Variants in TMEM163 observed in about 807,000 individuals in gnomAD.
TMEM163 encodes transmembrane protein 163.
A neutral mutation model predicts 29.3 loss-of-function variants in TMEM163; 17 were observed. That is an observed-to-expected ratio of 0.58 (90% CI 0.40 to 0.87). TMEM163 has a LOEUF of 0.87. TMEM163 is among the 40% of genes least tolerant of loss of function. The probability of loss-of-function intolerance (pLI) is 0.00; values close to 1 mark genes in which losing one functional copy is unlikely to be tolerated. For missense variants in TMEM163, 303 were observed against 381.5 expected (o/e 0.79, Z 1.71); for synonymous variants, 157 against 160.6 (o/e 0.98, Z 0.17).
At chr2:134,622,288 T>C (rs1335529971) in intron 2 of TMEM163, among the ~76,000 whole-genome samples, 1 of 152,222 alleles carries the variant, frequency 6.6e-6, no homozygotes, top group East Asian at 1.9e-4. Context: ...TAAATTATAC[T>C]TTAAAAAATC....
intron 2 of TMEM163, among the ~76,000 whole-genome samples, chr2:134,608,751 C>T (rs1682420410): frequency 1.6e-5 from 1 of 64,276 alleles, no homozygotes; most frequent in African/African-American, 5.9e-5. Flanking sequence ...GGAGGACAGA[C>T]CCCGAGAACT....
At chr2:134,557,186 C>A (rs1001891625) in intron 2 of TMEM163, among the ~76,000 whole-genome samples, 5 of 152,152 alleles carry the variant, frequency 3.3e-5, no homozygotes, top group African/African-American at 1.2e-4. Context: ...AGGAGAGTTA[C>A]GAGAGATAAT....
chr2:134,462,280 T>TC (rs1686561065), intron 6 of TMEM163, among the ~76,000 whole-genome samples: 2 of 151,780 alleles, frequency 1.3e-5, no homozygotes, highest in East Asian at 1.9e-4. Flanking sequence ...TCCCCTCCAC[T>TC]CCCCAGGCCT....
At chr2:134,657,780 G>C (rs1412819038) in intron 2 of TMEM163, among the ~76,000 whole-genome samples, 1 of 151,978 alleles carries the variant, frequency 6.6e-6, no homozygotes, top group Non-Finnish European at 1.5e-5. Context: ...TCCAGCCTAG[G>C]CAACAAGAGT....
At chr2:134,474,109 A>G (rs1354253087) in intron 5 of TMEM163, among the ~76,000 whole-genome samples, 1 of 152,224 alleles carries the variant, frequency 6.6e-6, no homozygotes, top group African/African-American at 2.4e-5. Context: ...AAAGTCCTCA[A>G]CAAAGTATCA....
At chr2:134,702,486 A>G (rs1684724596) in intron 2 of TMEM163, among the ~76,000 whole-genome samples, 1 of 152,076 alleles carries the variant, frequency 6.6e-6, no homozygotes, top group Admixed American at 6.6e-5. Context: ...CTCTACAAAA[A>G]ATTCCAAAAT....
chr2:134,639,563 T>A (rs770768032), intron 2 of TMEM163, among the ~76,000 whole-genome samples: 4 of 152,238 alleles, frequency 2.6e-5, no homozygotes, highest in Non-Finnish European at 5.9e-5. Context: ...ACAAAGAGGC[T>A]CACAGCAAAA....
At chr2:134,462,577 C>G (rs1310248883) in intron 6 of TMEM163, among the ~76,000 whole-genome samples, 4 of 152,218 alleles carry the variant, frequency 2.6e-5, no homozygotes, top group African/African-American at 9.6e-5. Flanking sequence ...CCCCACTTTT[C>G]TTTGTAATGA....
At chr2:134,578,925 A>T (rs745424013) in intron 2 of TMEM163, among the ~76,000 whole-genome samples, 1 of 152,196 alleles carries the variant, frequency 6.6e-6, no homozygotes, top group Non-Finnish European at 1.5e-5. Flanking sequence ...TCCCTACCAC[A>T]GAGCTACAAA....
intron 1 of TMEM163, chr2:134,713,577 C>A: frequency 1.7e-6 from 1 of 602,174 alleles, no homozygotes. Flanking sequence ...TTTCGAAGAA[C>A]TCCACAGACC....
intron 4 of TMEM163, among the ~76,000 whole-genome samples, chr2:134,522,327 A>G (rs1680206666): frequency 6.6e-6 from 1 of 152,258 alleles, no homozygotes; most frequent in African/African-American, 2.4e-5. Context: ...GCAGCATAAA[A>G]CACACTGGCT....
At chr2:134,711,599 T>A (rs1484898250) in intron 2 of TMEM163, among the ~76,000 whole-genome samples, 2 of 152,244 alleles carry the variant, frequency 1.3e-5, no homozygotes, top group African/African-American at 4.8e-5. Flanking sequence ...TCTAATTCTG[T>A]ATGCACTATG....
At chr2:134,512,807 G>A (rs1470381531) in intron 4 of TMEM163, among the ~76,000 whole-genome samples, 9 of 152,192 alleles carry the variant, frequency 5.9e-5, no homozygotes, top group Admixed American at 2.6e-4. Flanking sequence ...GCCACAGGGC[G>A]CACAAACTTG....
intron 2 of TMEM163, among the ~76,000 whole-genome samples, chr2:134,554,616 A>C (rs1024026594): frequency 6.6e-6 from 1 of 152,046 alleles, no homozygotes; most frequent in Non-Finnish European, 1.5e-5. Flanking sequence ...AACAGATTTC[A>C]AGTAGACATT....
At position 134,510,666 on chromosome 2, in the gene TMEM163, A is replaced by G. The variant is rs536562704; in HGVS notation, c.459-7669T>C. 2.0e-5 allele frequency among the ~76,000 whole-genome samples: 3 copies of G among 152,284 alleles called. No homozygotes were observed. In the East Asian group the frequency reaches 5.8e-4, roughly 29 times the overall value. On this transcript the variant is annotated intron_variant, in intron 4 of 7. Transcript: ENST00000281924. ...AGGACAACCCCAATTTTGAGACTGG[A>G]CACAAAGGAAGAGGTAGCGGTGCAT...
chr2:134,519,555 CA>C (rs1440415258), intron 4 of TMEM163, among the ~76,000 whole-genome samples: 10 of 151,866 alleles, frequency 6.6e-5, no homozygotes, highest in Non-Finnish European at 1.5e-4. Flanking sequence ...ACCAAAAATA[CA>C]AAAAAATTAG....
chr2:134,493,315 G>A (rs1029394693), intron 5 of TMEM163, among the ~76,000 whole-genome samples: 20 of 142,758 alleles, frequency 1.4e-4, no homozygotes, highest in African/African-American at 5.2e-4. Context: ...TTATTCTGAT[G>A]AAGTCCAATT....
intron 4 of TMEM163, among the ~76,000 whole-genome samples, chr2:134,549,873 T>A (rs1183388899): frequency 6.6e-6 from 1 of 152,172 alleles, no homozygotes; most frequent in Non-Finnish European, 1.5e-5. Context: ...TGTGTGTGTG[T>A]GTGTGTACTC....
intron 2 of TMEM163, among the ~76,000 whole-genome samples, chr2:134,704,912 A>G (rs1166193450): frequency 6.6e-6 from 1 of 152,082 alleles, no homozygotes; most frequent in Non-Finnish European, 1.5e-5. Context: ...TGTGTCCTCA[A>G]AATTCAAATG....
Sources: gnomAD v4.1 joint callset for allele counts (sites outside exome capture counted in the v4.1 genomes callset) on GRCh38, gnomAD v4.1.1 for gene constraint, MANE v1.5 for transcripts, NCBI Gene and HGNC (gene_info 2026-07-23, HGNC 2026-07-21) for gene names.